The following NCKAP1 variants were observed in gnomAD, a reference collection of about 807,000 sequenced individuals.
NCKAP1 encodes the protein nck-associated protein 1.
In NCKAP1, 21 loss-of-function variants were observed where a neutral mutation model predicts 151.2. The ratio of observed to expected loss-of-function variants is 0.14; its 90% CI spans 0.10 to 0.20. The LOEUF (loss-of-function observed/expected upper bound fraction) is 0.20, where lower values mean the gene tolerates loss of function less well. Ranked by LOEUF, NCKAP1 falls within the 10% of genes least tolerant of loss-of-function variation. NCKAP1 has a pLI of 1.00. For missense variants in NCKAP1, 933 were observed against 1,352.1 expected (o/e 0.69, Z 4.86); for synonymous variants, 484 against 451.8 (o/e 1.07, Z -0.90).
At position 182,919,972 on chromosome 2, in the gene NCKAP1, C is replaced by T. The variant is rs1257025398; in HGVS notation, c.*5730G>A. ...TGGCCTTAATTATTATCGAGACCGG[C>T]TCTTGCTCTGTCACCTAGGCTGGAG... is the stretch of plus-strand genomic sequence containing the variant. On this transcript the variant is annotated 3_prime_UTR_variant, in exon 31 of 31. Coordinates refer to ENST00000361354, the MANE Select transcript of NCKAP1 (RefSeq NM_013436.5). The T allele has an allele frequency of 6.6e-6, 1 of 152,010 alleles. No homozygotes were observed. Among genetic ancestry groups the T allele is most frequent in the African/African-American group, 2.4e-5 (1 of 41,384 alleles). 9.4% of individuals were successfully genotyped at this position (152,010 alleles called of 1,614,324 possible).
chr2:182,935,400 A>G (rs767348942), intron 24 of NCKAP1, 25 bp from the exon 25 acceptor site: 1 of 1,422,902 alleles, frequency 7.0e-7, no homozygotes, highest in Non-Finnish European at 9.5e-7. Flanking sequence ...ACAGAAGGAG[A>G]AGAGAATAAA....
intron 10 of NCKAP1, among the ~76,000 whole-genome samples, chr2:182,985,312 AC>A (rs1308244538): frequency 6.6e-6 from 1 of 152,290 alleles, no homozygotes; most frequent in South Asian, 2.1e-4. Flanking sequence ...TGTATATAGT[AC>A]CTAAGTTAAC....
intron 16 of NCKAP1, among the ~76,000 whole-genome samples, chr2:182,966,055 A>G (rs936423150): frequency 3.3e-5 from 5 of 152,144 alleles, no homozygotes; most frequent in African/African-American, 4.8e-5. Flanking sequence ...AGATTATACT[A>G]TTTTCCAAAA....
Position 182,983,276 on chromosome 2 carries a change from A to G in NCKAP1, c.1101+10T>C. 6.4e-7 allele frequency: 1 copy of G among 1,556,672 alleles called. No homozygotes were observed. The highest frequency in any genetic ancestry group is 1.7e-4 in the Middle Eastern group (1 of 5,880). On this transcript the variant is annotated intron_variant, in intron 11 of 30. Coordinates refer to ENST00000361354, the MANE Select transcript of NCKAP1 (RefSeq NM_013436.5). The stretch of plus-strand genomic sequence containing the variant: ...GGCACAATTATTGAAATAATAATTA[A>G]ATGAATTACCTTGGGACCTAGCAAT...
chr2:182,979,163 T>C (rs748546413), intron 13 of NCKAP1, among the ~76,000 whole-genome samples: 4 of 152,060 alleles, frequency 2.6e-5, no homozygotes, highest in South Asian at 2.1e-4. Context: ...TATAGGAAAA[T>C]TTATATGAAA....
chr2:182,974,675 T>C (rs186460956), intron 15 of NCKAP1, among the ~76,000 whole-genome samples: 1 of 152,170 alleles, frequency 6.6e-6, no homozygotes, highest in East Asian at 1.9e-4. Flanking sequence ...TTGCAGTCCT[T>C]GAAACAAACC....
intron 8 of NCKAP1, among the ~76,000 whole-genome samples, chr2:182,990,131 T>G (rs1168920481): frequency 6.6e-6 from 1 of 152,034 alleles, no homozygotes; most frequent in Non-Finnish European, 1.5e-5. Flanking sequence ...TTATAGTTCA[T>G]TAAGTCTTCT....
At chr2:182,972,020 T>C (rs1229744558) in intron 15 of NCKAP1, among the ~76,000 whole-genome samples, 3 of 151,912 alleles carry the variant, frequency 2.0e-5, no homozygotes, top group African/African-American at 7.3e-5. Flanking sequence ...ATTTCTTGAG[T>C]TAGACCTCAA....
intron 26 of NCKAP1, among the ~76,000 whole-genome samples, chr2:182,933,601 C>T (rs933039031): frequency 3.3e-5 from 5 of 151,802 alleles, no homozygotes; most frequent in Non-Finnish European, 7.4e-5. Context: ...TCATGTTGGT[C>T]GGGCTGGTCT....
intron 13 of NCKAP1, among the ~76,000 whole-genome samples, chr2:182,979,790 C>CT (rs571132068): frequency 7.8e-4 from 118 of 152,116 alleles, no homozygotes; most frequent in African/African-American, 2.6e-3. Context: ...TGACTACTGG[C>CT]TTTATTACTT....
intron 28 of NCKAP1, 40 bp from the exon 29 acceptor site, chr2:182,928,266 G>A: frequency 1.5e-6 from 2 of 1,372,898 alleles, no homozygotes; most frequent in East Asian, 2.3e-5. Context: ...CCCCAAAATA[G>A]CAAATAATAC....
At chr2:182,925,892 T>A (rs1304450762) in intron 30 of NCKAP1, 74 bp from the exon 31 acceptor site, 3 of 708,604 alleles carry the variant, frequency 4.2e-6, no homozygotes, top group African/African-American at 3.7e-5. Context: ...AAGTTATTTA[T>A]AATGGGAACA....
At chr2:183,005,870 C>G (rs1698461389) in intron 2 of NCKAP1, among the ~76,000 whole-genome samples, 1 of 152,168 alleles carries the variant, frequency 6.6e-6, no homozygotes, top group Non-Finnish European at 1.5e-5. Context: ...CCCAACCCCA[C>G]TATTCCTAAA....
chr2:183,008,488 T>C (rs2105881421), intron 2 of NCKAP1, among the ~76,000 whole-genome samples: 1 of 152,126 alleles, frequency 6.6e-6, no homozygotes, highest in South Asian at 2.1e-4. Flanking sequence ...TAAGACCTCA[T>C]CTTCTTTCAT....
At chr2:182,982,690 A>G (rs1697965058) in intron 12 of NCKAP1, 131 bp downstream of exon 12, 2 of 624,910 alleles carry the variant, frequency 3.2e-6, no homozygotes, top group South Asian at 2.5e-5. Flanking sequence ...GTTCAGTAAT[A>G]ATAGGTGTAC....
intron 18 of NCKAP1, 60 bp downstream of exon 18, chr2:182,962,099 A>G: frequency 1.3e-6 from 2 of 1,534,576 alleles, no homozygotes; most frequent in East Asian, 2.3e-5. Flanking sequence ...ACTGGCTAAA[A>G]GCACATTTTC....
At chr2:182,943,292 G>GA (rs1475246212) in intron 23 of NCKAP1, among the ~76,000 whole-genome samples, 9 of 152,068 alleles carry the variant, frequency 5.9e-5, no homozygotes, top group East Asian at 5.8e-4. Flanking sequence ...TGATTTAAGG[G>GA]AAAAAAACTA....
At chr2:182,984,219 T>C (rs1232236119) in intron 10 of NCKAP1, among the ~76,000 whole-genome samples, 2 of 152,078 alleles carry the variant, frequency 1.3e-5, no homozygotes, top group Non-Finnish European at 2.9e-5. Context: ...GGATGAGAGC[T>C]ACTTGGCACT....
intron 29 of NCKAP1, 62 bp downstream of exon 29, chr2:182,928,055 T>G: frequency 8.9e-7 from 1 of 1,129,514 alleles, no homozygotes; most frequent in Non-Finnish European, 1.3e-6. Flanking sequence ...TTACATTTTG[T>G]GGTTGTGAAT....
Sources: allele counts gnomAD v4.1 joint callset (sites outside exome capture counted in the v4.1 genomes callset), GRCh38; gene constraint gnomAD v4.1.1; transcripts MANE v1.5; gene names NCBI Gene and HGNC (gene_info 2026-07-23, HGNC 2026-07-21).